Variants in GNA13 observed in about 807,000 individuals in gnomAD.
GNA13 encodes the protein G protein subunit alpha 13, also known as guanine nucleotide-binding protein subunit alpha-13.
In GNA13, 4 loss-of-function variants were observed where a neutral mutation model predicts 33.5. The observed-to-expected ratio is 0.12, with a 90% CI of 0.06 to 0.27. The LOEUF is 0.27. Among genes scored for constraint, GNA13 ranks in the 10% least tolerant of loss-of-function variants. The pLI is 1.00. For synonymous variants in GNA13, 176 were observed against 183.8 expected (o/e 0.96, Z 0.34); for missense variants, 319 against 487.2 (o/e 0.65, Z 3.25).
chr17:65,045,075 A>G (rs1907611488), intron 2 of GNA13, among the ~76,000 whole-genome samples: 1 of 151,844 alleles, frequency 6.6e-6, no homozygotes, highest in Non-Finnish European at 1.5e-5. Flanking sequence ...GAAAAGAAAA[A>G]GTGTTCTGGT....
At chr17:65,026,881 C>A (rs370404862) in intron 2 of GNA13, among the ~76,000 whole-genome samples, 1 of 152,182 alleles carries the variant, frequency 6.6e-6, no homozygotes, top group Non-Finnish European at 1.5e-5. Flanking sequence ...CAGGTTCAAG[C>A]GATTCTTCTG....
chr17:65,020,466 T>C (rs749767502), intron 2 of GNA13, among the ~76,000 whole-genome samples: 63 of 152,182 alleles, frequency 4.1e-4, no homozygotes, highest in Non-Finnish European at 7.2e-4. Flanking sequence ...TCATAGGCCA[T>C]GTGTTTGTTA....
At chr17:65,042,695 C>T (rs1027962084) in intron 2 of GNA13, among the ~76,000 whole-genome samples, 8 of 152,086 alleles carry the variant, frequency 5.3e-5, no homozygotes, top group African/African-American at 1.9e-4. Context: ...CAAGACCGCG[C>T]CACTGCACTC....
At chr17:65,042,593 C>T (rs562664228) in intron 2 of GNA13, among the ~76,000 whole-genome samples, 50 of 151,876 alleles carry the variant, frequency 3.3e-4, no homozygotes, top group African/African-American at 1.2e-3. Context: ...AAAAATTAGC[C>T]GGGCATGGTG....
intron 2 of GNA13, among the ~76,000 whole-genome samples, chr17:65,031,896 AAGAG>A (rs1292025516): frequency 1.5e-3 from 107 of 71,396 alleles, no homozygotes; most frequent in African/African-American, 4.3e-3. Context: ...GAGAGAGAGA[AAGAG>A]AGAGAGAGAG....
intron 2 of GNA13, among the ~76,000 whole-genome samples, chr17:65,039,081 G>C (rs72844361): frequency 1.7e-3 from 255 of 152,260 alleles, no homozygotes; most frequent in Non-Finnish European, 2.9e-3. Context: ...CCATGATCCT[G>C]TGATTTGAGT....
At chr17:65,018,128 A>AAAAAAAAAG in intron 3 of GNA13, 125 bp downstream of exon 3, 1 of 223,826 alleles carries the variant, frequency 4.5e-6, no homozygotes, top group Non-Finnish European at 8.8e-6. Flanking sequence ...AAAAAAAAAA[A>AAAAAAAAAG]AAAAAAAAAA....
intron 2 of GNA13, among the ~76,000 whole-genome samples, chr17:65,021,409 C>T (rs1906579033): frequency 6.6e-6 from 1 of 152,166 alleles, no homozygotes. Context: ...CTTGTAAAGA[C>T]AAAATGGGTC....
At chr17:65,056,202 C>T (rs1235531109) in intron 1 of GNA13, 109 bp downstream of exon 1, 2 of 944,398 alleles carry the variant, frequency 2.1e-6, no homozygotes, top group African/African-American at 1.7e-5. Flanking sequence ...CCCGCCGGGC[C>T]CGTTCCTTCG....
intron 3 of GNA13, among the ~76,000 whole-genome samples, chr17:65,016,559 A>G (rs8074835): frequency 0.99 from 150,022 of 152,240 alleles, 73,957 homozygotes; most frequent in Middle Eastern, 1. Flanking sequence ...ACGGGGTTTC[A>G]CCATTTTGGC....
intron 2 of GNA13, among the ~76,000 whole-genome samples, chr17:65,023,086 G>A (rs953903437): frequency 1.3e-5 from 2 of 152,228 alleles, no homozygotes; most frequent in African/African-American, 2.4e-5. Context: ...ACGTGTGAGA[G>A]TATTTTCAGA....
intron 2 of GNA13, among the ~76,000 whole-genome samples, chr17:65,028,050 C>A (rs1051616682): frequency 6.6e-6 from 1 of 152,102 alleles, no homozygotes; most frequent in African/African-American, 2.4e-5. Flanking sequence ...CACGGTGAAA[C>A]CCCGTCTCTA....
At position 65,056,697 on chromosome 17, in the gene GNA13, G is replaced by C; in HGVS notation, c.-104C>G. ...CCGAGGCTCGAGGGCGGGGAGCGCG[G>C]CGGCGGCCCGAGCGCGCCCAGGGAG... On this transcript the variant is annotated 5_prime_UTR_variant, in exon 1 of 4. Coordinates refer to ENST00000439174, the MANE Select transcript of GNA13 (RefSeq NM_006572.6). The C allele has an allele frequency of 1.2e-6, 1 of 819,620 alleles. No homozygotes were observed. Among genetic ancestry groups the C allele is most frequent in the Non-Finnish European group, 1.7e-6 (1 of 604,886 alleles). The allele number at this position is 819,620 out of a possible 1,614,324, so 50.8% of individuals were successfully genotyped here. A position where few individuals can be genotyped will look rare whatever the true frequency, so the allele number is the denominator to read the frequency against.
intron 2 of GNA13, among the ~76,000 whole-genome samples, chr17:65,031,921 A>AGT (rs148637639): frequency 0.013 from 1,142 of 91,060 alleles, 15 homozygotes; most frequent in Non-Finnish European, 0.017. Flanking sequence ...AGAGAGAGAG[A>AGT]GTGTGTGTGT....
rs1906284395 is a variant in GNA13 at position 65,014,197 on chromosome 17, AAAAC to A, written c.*56_*59del. 1.5e-5 allele frequency: 15 copies of A among 1,028,588 alleles called. No individual in the cohort carries two copies. The highest frequency in any genetic ancestry group is 1.9e-5 in the Non-Finnish European group (13 of 685,036). The allele number at this position is 1,028,588 out of a possible 1,614,324, so 63.7% of individuals were successfully genotyped here. ...GTTGTAAACTGCTATTTTAAAAAACAAAACAAACAGAAAACATCAAAAACACAAA... is the reference window on the plus strand; with the variant it reads ...GTTGTAAACTGCTATTTTAAAAAACAAAACAGAAAACATCAAAAACACAAA... On this transcript the variant is annotated 3_prime_UTR_variant, in exon 4 of 4. Coordinates refer to ENST00000439174, the MANE Select transcript of GNA13 (RefSeq NM_006572.6). This position sits in a 1 kb window ranked among gnomAD's most constrained non-coding sequence, Gnocchi z 5.3.
At chr17:65,043,860 G>A (rs1397750296) in intron 2 of GNA13, among the ~76,000 whole-genome samples, 10 of 152,164 alleles carry the variant, frequency 6.6e-5, no homozygotes, top group Admixed American at 6.5e-4. Context: ...CAGTGGTCAC[G>A]CCTGAAATCC....
In GNA13 at chr17:65,037,777, G is replaced by GAAAAAAA. The variant is rs145051963; in HGVS notation, c.510+15724_510+15725insTTTTTTT. Among the ~76,000 whole-genome samples, 758 of 82,050 alleles carry GAAAAAAA rather than the reference G, an allele frequency of 9.2e-3. 207 individuals carry two copies. Among genetic ancestry groups the GAAAAAAA allele is most frequent in the Admixed American group, 0.013 (68 of 5,158 alleles). 53.8% of individuals were successfully genotyped at this position (82,050 alleles called of 152,430 possible). A position where few individuals can be genotyped will look rare whatever the true frequency, so the allele number is the denominator to read the frequency against. On this transcript the variant is annotated intron_variant, in intron 2 of 3. Coordinates refer to ENST00000439174, the MANE Select transcript of GNA13 (RefSeq NM_006572.6). ...AGAGAGACCCAGCCTCTACAAAAAT[G>GAAAAAAA]GAAAAAAAAAAAAAAAAAAAAAAGA... is the stretch of plus-strand genomic sequence containing the variant.
intron 2 of GNA13, among the ~76,000 whole-genome samples, chr17:65,025,971 G>C (rs1259175214): frequency 2.0e-5 from 3 of 151,864 alleles, no homozygotes; most frequent in Non-Finnish European, 2.9e-5. Flanking sequence ...GTTTTACGTG[G>C]TAAACAGGTA....
intron 2 of GNA13, among the ~76,000 whole-genome samples, chr17:65,022,890 A>G (rs1289094583): frequency 3.3e-5 from 5 of 152,226 alleles, no homozygotes; most frequent in Admixed American, 6.5e-5. Flanking sequence ...AGCTGCTCAG[A>G]GTTGAGGACA....
Sources: gnomAD v4.1 joint callset for allele counts (sites outside exome capture counted in the v4.1 genomes callset) on GRCh38, gnomAD v4.1.1 for gene constraint, Gnocchi (gnomAD v3.1) non-coding constraint, MANE v1.5 for transcripts, NCBI Gene and HGNC (gene_info 2026-07-23, HGNC 2026-07-21) for gene names.